PCBP3: variants seen among roughly 807,000 people sequenced by gnomAD.
PCBP3 encodes poly(rC)-binding protein 3.
In PCBP3, 25 loss-of-function variants were observed where a neutral mutation model predicts 52.7. The ratio of observed to expected loss-of-function variants is 0.47; its 90% CI spans 0.35 to 0.66. The LOEUF is 0.66. Ranked by LOEUF, PCBP3 falls within the 30% of genes least tolerant of loss-of-function variation. PCBP3 has a pLI of 0.01. For synonymous variants in PCBP3, 162 were observed against 183.0 expected (o/e 0.89, Z 0.93); for missense variants, 391 against 490.3 (o/e 0.80, Z 1.91).
chr21:45,925,899 C>G (rs2075340293), intron 13 of PCBP3, among the ~76,000 whole-genome samples: 1 of 152,094 alleles, frequency 6.6e-6, no homozygotes, highest in South Asian at 2.1e-4. Flanking sequence ...AGTGATAGGC[C>G]AAGTAGACAA....
intron 5 of PCBP3, among the ~76,000 whole-genome samples, chr21:45,852,352 ACCC>A (rs2094049360): frequency 6.8e-6 from 1 of 146,820 alleles, no homozygotes; most frequent in African/African-American, 2.6e-5. Flanking sequence ...CCCTGCAGCC[ACCC>A]TGACTTTTGT....
At chr21:45,645,352 T>A (rs570405781) in intron 1 of PCBP3, among the ~76,000 whole-genome samples, 1 of 152,170 alleles carries the variant, frequency 6.6e-6, no homozygotes, top group Non-Finnish European at 1.5e-5. Context: ...TATTATAAGG[T>A]TTTGAAAAAG....
In PCBP3 at chr21:45,817,326, G is replaced by A. The variant is rs894664718; in HGVS notation, c.-125-32635G>A. Among the ~76,000 whole-genome samples, 4 of 152,156 alleles carry A rather than the reference G, an allele frequency of 2.6e-5. No homozygotes were observed. The highest frequency in any genetic ancestry group is 4.4e-5 in the Non-Finnish European group (3 of 68,028). On this transcript the variant is annotated intron_variant, in intron 4 of 17. Transcript: ENST00000681687. The surrounding 1 kb of genome is among the most constrained non-coding windows in gnomAD (Gnocchi z 4.3). ...TCCACTGTGGCTGTGAGCAGTCCCC[G>A]CCTCGTGGTACCACATGACATTTAG...
At chr21:45,721,746 A>G (rs576383939) in intron 2 of PCBP3, among the ~76,000 whole-genome samples, 1 of 152,330 alleles carries the variant, frequency 6.6e-6, no homozygotes, top group South Asian at 2.1e-4. Context: ...AATTTCACAG[A>G]GGTCCATAGA....
intron 2 of PCBP3, among the ~76,000 whole-genome samples, chr21:45,671,530 G>A (rs1181231109): frequency 1.3e-5 from 2 of 152,202 alleles, no homozygotes; most frequent in East Asian, 1.9e-4. Flanking sequence ...CATCCCATGG[G>A]CAAGTATTAT....
At chr21:45,889,211 C>T (rs527646546) in intron 5 of PCBP3, among the ~76,000 whole-genome samples, 7 of 152,206 alleles carry the variant, frequency 4.6e-5, no homozygotes, top group Admixed American at 2.0e-4. Flanking sequence ...GCTTCAGAGA[C>T]GGTGGAGTGG....
At chr21:45,916,494 T>A (rs2073441470) in intron 12 of PCBP3, 1 of 152,328 alleles carries the variant, frequency 6.6e-6, no homozygotes, top group Non-Finnish European at 1.5e-5. Context: ...TGACTGGCCT[T>A]TAACTCCGAG....
At chr21:45,700,228 T>C (rs1403044384) in intron 2 of PCBP3, among the ~76,000 whole-genome samples, 1 of 152,212 alleles carries the variant, frequency 6.6e-6, no homozygotes, top group East Asian at 1.9e-4. Context: ...TAATATTCTG[T>C]GGTCAATGAT....
chr21:45,910,208 GACCCC>G (rs2096354705), intron 10 of PCBP3, among the ~76,000 whole-genome samples: 1 of 48,924 alleles, frequency 2.0e-5, no homozygotes. Flanking sequence ...CCCAGATACG[GACCCC>G]CCACCCACTG....
At chr21:45,873,785 C>T (rs73234777) in intron 5 of PCBP3, among the ~76,000 whole-genome samples, 7,118 of 152,244 alleles carry the variant, frequency 0.047, 184 homozygotes, top group Middle Eastern at 0.071. Context: ...TTGTTGTTGT[C>T]GTTGGGTTTT....
intron 4 of PCBP3, among the ~76,000 whole-genome samples, chr21:45,812,526 C>T: frequency 6.6e-6 from 1 of 152,188 alleles, no homozygotes; most frequent in East Asian, 1.9e-4. Flanking sequence ...CTGCCTCAGC[C>T]TCCCGAGTAG....
chr21:45,939,184 T>C (rs1290210686), intron 16 of PCBP3, among the ~76,000 whole-genome samples: 4 of 152,210 alleles, frequency 2.6e-5, no homozygotes, highest in Non-Finnish European at 5.9e-5. Context: ...CTGCCACAGG[T>C]CTGGCCACGT....
chr21:45,928,688 C>T lies in PCBP3; in HGVS notation c.718-1229C>T, dbSNP rs1033534067. On this transcript the variant is annotated intron_variant, in intron 13 of 17. Transcript: ENST00000681687. This position sits in a 1 kb window ranked among gnomAD's most constrained non-coding sequence, Gnocchi z 4.1. ...GCAGCTCTGCTCCGAGCGCCCACAC[C>T]CCCCAGCATTGGTGGCCTCTGTGGC... is the stretch of plus-strand genomic sequence containing the variant. 3.3e-5 allele frequency among the ~76,000 whole-genome samples: 5 copies of T among 152,208 alleles called. No homozygotes were observed. Among genetic ancestry groups the T allele is most frequent in the African/African-American group, 1.2e-4 (5 of 41,452 alleles).
chr21:45,731,969 A>G (rs1198810439), intron 2 of PCBP3, among the ~76,000 whole-genome samples: 7 of 152,110 alleles, frequency 4.6e-5, no homozygotes, highest in Admixed American at 2.0e-4. Flanking sequence ...TTCTGTTTCA[A>G]TGGTTTTCAC....
intron 11 of PCBP3, among the ~76,000 whole-genome samples, chr21:45,911,590 C>T (rs1332979460): frequency 6.6e-6 from 1 of 152,118 alleles, no homozygotes; most frequent in Non-Finnish European, 1.5e-5. Context: ...GAGCAGACGC[C>T]TCTCTTGAAG....
At chr21:45,925,938 C>T (rs1458369639) in intron 13 of PCBP3, among the ~76,000 whole-genome samples, 2 of 152,220 alleles carry the variant, frequency 1.3e-5, no homozygotes, top group Non-Finnish European at 2.9e-5. Context: ...CAGAACCACC[C>T]GTGATCCTGA....
At chr21:45,732,985 T>C (rs1297119090) in intron 2 of PCBP3, among the ~76,000 whole-genome samples, 1 of 152,222 alleles carries the variant, frequency 6.6e-6, no homozygotes, top group Non-Finnish European at 1.5e-5. Flanking sequence ...CCCCTGCTTC[T>C]GGGTCTCCAA....
intron 15 of PCBP3, among the ~76,000 whole-genome samples, chr21:45,933,581 T>G (rs545029079): frequency 8.5e-5 from 13 of 152,378 alleles, no homozygotes; most frequent in African/African-American, 3.1e-4. Flanking sequence ...ATGGAATGTG[T>G]ATAGATAACT....
Position 45,910,970 on chromosome 21 carries a change from C to T in PCBP3, c.540C>T (p.Ile180=), listed in dbSNP as rs745416248. ...ACTCCACGGAGCGAGCGGTGACCAT[C>T]TCGGGGACCCCAGATGCCATCATCC... ...LPNSTERAVT[I]SGTPDAIIQC... Residue 180 remains isoleucine, a synonymous_variant, in exon 11 of 18, where the codon ATC becomes ATT. Transcript: ENST00000681687. 3 of 1,612,328 alleles carry T rather than the reference C, an allele frequency of 1.9e-6. No homozygotes were observed. Among genetic ancestry groups the T allele is most frequent in the Non-Finnish European group, 2.5e-6 (3 of 1,179,940 alleles).
Sources: gnomAD v4.1 joint callset for allele counts (sites outside exome capture counted in the v4.1 genomes callset) on GRCh38, gnomAD v4.1.1 for gene constraint, Gnocchi (gnomAD v3.1) non-coding constraint, MANE v1.5 for transcripts, NCBI Gene and HGNC (gene_info 2026-07-23, HGNC 2026-07-21) for gene names.